DHCR7: variants seen among roughly 807,000 people sequenced by gnomAD.
DHCR7 encodes the protein 7-dehydrocholesterol reductase.
Under a neutral mutation model 43.3 loss-of-function variants are expected in DHCR7, and 40 were observed. The ratio of observed to expected loss-of-function variants is 0.92; its 90% CI spans 0.72 to 1.20. The LOEUF (loss-of-function observed/expected upper bound fraction) is 1.20, where lower values mean the gene tolerates loss of function less well. Among genes scored for constraint, DHCR7 ranks in the 50% most tolerant of loss-of-function variants. The pLI, the probability that DHCR7 is intolerant of heterozygous loss-of-function variation, is 0.00. For missense variants in DHCR7, 608 were observed against 644.6 expected (o/e 0.94, Z 0.62); for synonymous variants, 298 against 271.4 (o/e 1.10, Z -0.96).
rs1057517070 is a variant in DHCR7, at chr11:71,437,810, A to C, written c.963+2T>G. 1 of 1,613,616 alleles carries C rather than the reference A, an allele frequency of 6.2e-7. No individual in the cohort carries two copies. Among genetic ancestry groups the C allele is most frequent in the African/African-American group, 1.3e-5 (1 of 74,972 alleles). On this transcript the variant is annotated splice_donor_variant, in intron 8 of 8. Transcript: ENST00000355527. LOFTEE classifies it high-confidence loss of function. ...CTGGGCCAGCTCTGCCCACCTCCTC[A>C]CCTGCAGCGTGTAAAGATAAGGCAG...
intron 6 of DHCR7, among the ~76,000 whole-genome samples, chr11:71,440,190 A>G (rs1235318500): frequency 6.6e-6 from 1 of 152,152 alleles, no homozygotes; most frequent in Non-Finnish European, 1.5e-5. Context: ...GCAGGCTAGG[A>G]GGGCCTGAGA....
chr11:71,429,146 T>A (rs1352905648), intron 2 of DHCR7, among the ~76,000 whole-genome samples: 2 of 152,194 alleles, frequency 1.3e-5, no homozygotes, highest in Non-Finnish European at 2.9e-5. Flanking sequence ...GGGATTTGCA[T>A]CAGTAGTTCT....
At chr11:71,428,786 T>C (rs548901146) in exon 3 of DHCR7, 10 of 455,226 alleles carry the variant, frequency 2.2e-5, no homozygotes, top group African/African-American at 1.0e-4. Context: ...CCCAGGGTCA[T>C]CTCCAAGTCT....
intron 4 of DHCR7, 62 bp from the exon 5 acceptor site, chr11:71,442,415 T>G (rs1048841919): frequency 8.3e-6 from 9 of 1,086,850 alleles, no homozygotes; most frequent in Non-Finnish European, 1.3e-5. Flanking sequence ...GGGGGACGCA[T>G]AGCAGGAACA....
rs551459862 is a variant in DHCR7, at chr11:71,444,996, A to G, written c.-6-38T>C. 7.7e-6 allele frequency: 12 copies of G among 1,563,672 alleles called. No homozygotes were observed. The African/African-American group carries it at 8.1e-5, about 11-fold the overall frequency. On this transcript the variant is annotated intron_variant, in intron 2 of 8. Coordinates refer to ENST00000355527, the MANE Select transcript of DHCR7 (RefSeq NM_001360.3). ...GAACCTTGCTTACATTATCCCTCAA[A>G]TAACAGACACCACCTTTCCCTGTTG... is the stretch of plus-strand genomic sequence containing the variant.
Position 71,444,008 on chromosome 11 carries a change from C to T in DHCR7, c.306G>A (p.Leu102=). ...GGCTGCTGACCTGGAAGGTGACCCA[C>T]AAGGTATAGAGCTGGGCGGCTTTCC... The part of the protein sequence containing the change: ...ITRKAAQLYT[L]WVTFQVLLYT... Residue 102 remains leucine, a synonymous_variant, in exon 4 of 9, where the codon TTG becomes TTA. Coordinates refer to ENST00000355527, the MANE Select transcript of DHCR7 (RefSeq NM_001360.3). The T allele has an allele frequency of 6.2e-7, 1 of 1,611,976 alleles. No individual in the cohort carries two copies. Among genetic ancestry groups the T allele is most frequent in the East Asian group, 2.2e-5 (1 of 44,826 alleles).
At chr11:71,445,156 A>G (rs1423973267) in intron 2 of DHCR7, among the ~76,000 whole-genome samples, 198 bp from the exon 3 acceptor site, 1 of 152,066 alleles carries the variant, frequency 6.6e-6, no homozygotes, top group Non-Finnish European at 1.5e-5. Context: ...CCCTGCAATC[A>G]CCTCCCACGT....
At chr11:71,431,251 T>G (rs1359636163), downstream of DHCR7, among the ~76,000 whole-genome samples, 1 of 152,084 alleles carries the variant, frequency 6.6e-6, no homozygotes, top group African/African-American at 2.4e-5. Flanking sequence ...ATATGTAAAA[T>G]AGGTGAAGGG....
chr11:71,438,083 T>C (rs1949307714), intron 7 of DHCR7, 140 bp from the exon 8 acceptor site: 2 of 1,006,070 alleles, frequency 2.0e-6, no homozygotes, highest in East Asian at 2.6e-5. Flanking sequence ...GGGCTGTTCC[T>C]TCCCTGCGGC....
Position 71,435,711 on chromosome 11 carries a change from C to T in DHCR7, c.1092G>A (p.Thr364=), listed in dbSNP as rs35946774. The change falls in exon 9 of 9, where the codon ACG becomes ACA. Residue 364 remains threonine (T), a synonymous_variant. Transcript: ENST00000355527. ...TGCCCCAGATGAGGCAGCGCCCATCCGTGCGGCGGAACAGGTCCTTCTGGT... is the reference window on the plus strand; with the variant it reads ...TGCCCCAGATGAGGCAGCGCCCATCTGTGCGGCGGAACAGGTCCTTCTGGT... The part of the protein sequence containing the change: ...ANHQKDLFRR[T]DGRCLIWGRK... The T allele has an allele frequency of 1.0e-3, 1,660 of 1,613,096 alleles. 13 individuals are homozygous for T. In the African/African-American group the frequency reaches 0.019, roughly 18 times the overall value.
chr11:71,445,258 C>T (rs1412385596), intron 2 of DHCR7, among the ~76,000 whole-genome samples: 1 of 152,244 alleles, frequency 6.6e-6, no homozygotes, highest in African/African-American at 2.4e-5. Context: ...GCTCCTGCCT[C>T]CCTCCTACAC....
intron 2 of DHCR7, among the ~76,000 whole-genome samples, chr11:71,446,463 G>A (rs575127828): frequency 5.9e-5 from 9 of 152,262 alleles, no homozygotes; most frequent in African/African-American, 2.2e-4. Context: ...TGCAAAGTTA[G>A]GGGTACTAAA....
At chr11:71,443,207 G>C (rs1949366622) in intron 4 of DHCR7, among the ~76,000 whole-genome samples, 1 of 152,256 alleles carries the variant, frequency 6.6e-6, no homozygotes, top group African/African-American at 2.4e-5. Flanking sequence ...CTGATGGACA[G>C]GTGGGGGTTC....
intron 2 of DHCR7, among the ~76,000 whole-genome samples, chr11:71,429,231 A>T (rs1414924865): frequency 1.3e-5 from 2 of 152,106 alleles, no homozygotes; most frequent in Non-Finnish European, 2.9e-5. Flanking sequence ...CTGTGTCAAT[A>T]TGGGAGGCTG....
chr11:71,430,813 G>A (rs1457991535), downstream of DHCR7, among the ~76,000 whole-genome samples: 1 of 152,176 alleles, frequency 6.6e-6, no homozygotes, highest in Non-Finnish European at 1.5e-5. Context: ...GTCTTTATAG[G>A]TACAGGATGG....
In DHCR7 at chr11:71,442,336, A is replaced by G; in HGVS notation, c.339T>C (p.Ser113=). ...GAAACTTATGGCAGAAGTCAGGGAG[A>G]GACGTGTACAGAAGCACCTGAAACA... is the stretch of plus-strand genomic sequence containing the variant. ...WVTFQVLLYT[S]LPDFCHKFLP... Residue 113 remains serine, a synonymous_variant, in exon 5 of 9, where the codon TCT becomes TCC. Transcript: ENST00000355527. 6.2e-7 allele frequency: 1 copy of G among 1,613,870 alleles called. No homozygotes were observed. The highest frequency in any genetic ancestry group is 8.5e-7 in the Non-Finnish European group (1 of 1,179,890).
chr11:71,444,172 G>A lies in DHCR7; in HGVS notation c.142C>T (p.Leu48=). The part of the protein sequence containing the change: ...FSLASVIFLL[L]FAPFIVYYFI... The stretch of plus-strand genomic sequence containing the variant: ...TAGTAGACGATGAAGGGGGCGAACA[G>A]CAGTAGGAAGATGACGCTCGCCAGT... Residue 48 remains leucine (L), a synonymous_variant, in exon 4 of 9, where the codon CTG becomes TTG. Transcript: ENST00000355527. The A allele has an allele frequency of 1.2e-6, 2 of 1,607,370 alleles. No individual in the cohort carries two copies. The highest frequency in any genetic ancestry group is 1.7e-6 in the Non-Finnish European group (2 of 1,176,538).
intron 4 of DHCR7, among the ~76,000 whole-genome samples, chr11:71,442,795 T>A (rs1949362819): frequency 6.6e-6 from 1 of 152,174 alleles, no homozygotes; most frequent in Non-Finnish European, 1.5e-5. Flanking sequence ...TAGCTGGGAT[T>A]ACAGGTGTGC....
chr11:71,436,063 G>A (rs1949277143), intron 8 of DHCR7: 1 of 590,772 alleles, frequency 1.7e-6, no homozygotes. Flanking sequence ...GTGTATGTGT[G>A]TGTGTATATA....
Sources: allele counts gnomAD v4.1 joint callset (sites outside exome capture counted in the v4.1 genomes callset), GRCh38; gene constraint gnomAD v4.1.1; transcripts MANE v1.5; gene names NCBI Gene and HGNC (gene_info 2026-07-23, HGNC 2026-07-21).